ADGRL3: variants seen among roughly 807,000 people sequenced by gnomAD.
ADGRL3 encodes the protein calcium-independent alpha-latrotoxin receptor 3.
Under a neutral mutation model 153.5 loss-of-function variants are expected in ADGRL3, and 62 were observed. The observed-to-expected ratio is 0.40, with a 90% CI of 0.33 to 0.50. The LOEUF (loss-of-function observed/expected upper bound fraction) is 0.50, where lower values mean the gene tolerates loss of function less well. Ranked by LOEUF, ADGRL3 falls within the 20% of genes least tolerant of loss-of-function variation. The probability of loss-of-function intolerance (pLI) is 0.47; values close to 1 mark genes in which losing one functional copy is unlikely to be tolerated. For missense variants in ADGRL3, 1,641 were observed against 1,859.4 expected (o/e 0.88, Z 2.16); for synonymous variants, 710 against 672.5 (o/e 1.06, Z -0.86).
rs1735200882 is a variant in ADGRL3, at chr4:61,202,512, G to A, written c.-240+747G>A. Among the ~76,000 whole-genome samples the A allele has an allele frequency of 6.6e-6, 1 of 152,164 alleles. No homozygotes were observed. Among genetic ancestry groups the A allele is most frequent in the African/African-American group, 2.4e-5 (1 of 41,446 alleles). ...CTGTGCTGGTAGTGGGCACTGGGCG[G>A]GGGGCGGCGGTGTTGCACGAATCCG... On this transcript the variant is annotated intron_variant, in intron 1 of 26. Coordinates refer to ENST00000683033, the MANE Select transcript of ADGRL3 (RefSeq NM_001387552.1). This position sits in a 1 kb window ranked among gnomAD's most constrained non-coding sequence, Gnocchi z 5.0.
chr4:61,628,891 G>A (rs2092990668), intron 5 of ADGRL3, among the ~76,000 whole-genome samples: 1 of 152,160 alleles, frequency 6.6e-6, no homozygotes, highest in African/African-American at 2.4e-5. Context: ...AACCCCCAGA[G>A]AGTAAGTGCT....
At chr4:61,589,985 A>G (rs1164144580) in intron 5 of ADGRL3, among the ~76,000 whole-genome samples, 2 of 152,096 alleles carry the variant, frequency 1.3e-5, no homozygotes, top group African/African-American at 2.4e-5. Flanking sequence ...TTCTCCAATC[A>G]CGTGTGCTCT....
At chr4:61,697,013 T>C (rs1453549930) in intron 6 of ADGRL3, among the ~76,000 whole-genome samples, 1 of 152,100 alleles carries the variant, frequency 6.6e-6, no homozygotes, top group Non-Finnish European at 1.5e-5. Flanking sequence ...GAACTGTATC[T>C]TTCTTATCCA....
At chr4:61,890,951 C>A (rs371154489) in intron 9 of ADGRL3, among the ~76,000 whole-genome samples, 17 of 38,314 alleles carry the variant, frequency 4.4e-4, no homozygotes, top group African/African-American at 2.3e-3. Flanking sequence ...ATTATATATG[C>A]AAATTATATA....
intron 1 of ADGRL3, among the ~76,000 whole-genome samples, chr4:61,253,822 G>A (rs1178477016): frequency 6.6e-6 from 1 of 152,016 alleles, no homozygotes; most frequent in Non-Finnish European, 1.5e-5. Flanking sequence ...ATGAAAGTGA[G>A]CTTCAAAGGC....
intron 2 of ADGRL3, among the ~76,000 whole-genome samples, chr4:61,397,526 G>A (rs2152079522): frequency 6.6e-6 from 1 of 152,020 alleles, no homozygotes; most frequent in Non-Finnish European, 1.5e-5. Context: ...TGAGTTGAAA[G>A]CATCTCTTTT....
chr4:61,280,713 ATAAT>A (rs1330267240), intron 1 of ADGRL3, among the ~76,000 whole-genome samples: 5 of 152,192 alleles, frequency 3.3e-5, no homozygotes, highest in African/African-American at 1.2e-4. Flanking sequence ...AAGGAAATAG[ATAAT>A]TAACTTCAGA....
intron 1 of ADGRL3, among the ~76,000 whole-genome samples, chr4:61,350,510 T>A (rs2096022295): frequency 6.6e-6 from 1 of 152,138 alleles, no homozygotes; most frequent in Non-Finnish European, 1.5e-5. Context: ...ACAGATACCA[T>A]GATTTTTGCA....
chr4:61,864,371 A>C (rs2098380573), intron 9 of ADGRL3, among the ~76,000 whole-genome samples: 1 of 152,316 alleles, frequency 6.6e-6, no homozygotes, highest in South Asian at 2.1e-4. Flanking sequence ...AGGCAAACTA[A>C]CTAGTTTTGT....
chr4:61,313,265 G>A (rs1224614279), intron 1 of ADGRL3, among the ~76,000 whole-genome samples: 2 of 152,168 alleles, frequency 1.3e-5, no homozygotes, highest in Non-Finnish European at 2.9e-5. Flanking sequence ...GATGAGCACA[G>A]GAGATTTTTA....
At chr4:61,693,461 T>G (rs1308636106) in intron 6 of ADGRL3, among the ~76,000 whole-genome samples, 1 of 152,134 alleles carries the variant, frequency 6.6e-6, no homozygotes, top group Non-Finnish European at 1.5e-5. Flanking sequence ...ATCAGTATTA[T>G]TAAATCACCA....
intron 19 of ADGRL3, among the ~76,000 whole-genome samples, chr4:61,993,108 GTAT>G (rs2150998318): frequency 6.7e-6 from 1 of 149,928 alleles, no homozygotes; most frequent in Non-Finnish European, 1.5e-5. Context: ...TTCTTAAAAC[GTAT>G]TATTACTATT....
intron 2 of ADGRL3, among the ~76,000 whole-genome samples, chr4:61,490,452 A>C (rs960280678): frequency 7.2e-5 from 11 of 152,086 alleles, no homozygotes; most frequent in Non-Finnish European, 1.3e-4. Flanking sequence ...GACCAAACAC[A>C]GTGCATACTT....
chr4:61,994,010 G>T, intron 19 of ADGRL3, among the ~76,000 whole-genome samples: 1 of 152,130 alleles, frequency 6.6e-6, no homozygotes, highest in Non-Finnish European at 1.5e-5. Context: ...TGTTTACTTT[G>T]AATAAAGAAA....
chr4:61,905,286 A>G (rs2098689971), intron 11 of ADGRL3, among the ~76,000 whole-genome samples: 1 of 152,158 alleles, frequency 6.6e-6, no homozygotes, highest in Non-Finnish European at 1.5e-5. Flanking sequence ...CACTAAATTA[A>G]CTAATGAATA....
chr4:61,379,353 T>C (rs2096640756), intron 1 of ADGRL3, among the ~76,000 whole-genome samples: 1 of 152,046 alleles, frequency 6.6e-6, no homozygotes, highest in African/African-American at 2.4e-5. Context: ...ATGATGGATA[T>C]GAAAGCCATA....
intron 4 of ADGRL3, among the ~76,000 whole-genome samples, chr4:61,585,646 T>C (rs909980329): frequency 6.6e-6 from 1 of 152,058 alleles, no homozygotes; most frequent in African/African-American, 2.4e-5. Context: ...GAAATCAACT[T>C]ATTTGACAGT....
intron 5 of ADGRL3, among the ~76,000 whole-genome samples, chr4:61,668,559 G>A (rs2094882422): frequency 6.6e-6 from 1 of 152,084 alleles, no homozygotes; most frequent in Non-Finnish European, 1.5e-5. Context: ...TTAAGGTAAA[G>A]GAATGTTATT....
intron 5 of ADGRL3, among the ~76,000 whole-genome samples, chr4:61,653,139 CTCTCTCTCTCTG>C (rs2094320911): frequency 8.2e-6 from 1 of 121,494 alleles, no homozygotes; most frequent in African/African-American, 3.0e-5. Context: ...GCCTCTCTCT[CTCTCTCTCTCTG>C]TCTCTCTCTC....
Sources: gnomAD v4.1 joint callset for allele counts (sites outside exome capture counted in the v4.1 genomes callset) on GRCh38, gnomAD v4.1.1 for gene constraint, Gnocchi (gnomAD v3.1) non-coding constraint, MANE v1.5 for transcripts, NCBI Gene and HGNC (gene_info 2026-07-23, HGNC 2026-07-21) for gene names.